Variants in CLEC4F observed in about 807,000 individuals in gnomAD.
CLEC4F encodes C-type lectin domain family 4 member F, also known as C-type (calcium dependent, carbohydrate-recognition domain) lectin, superfamily member 13.
CLEC4F carries 45 observed loss-of-function variants against 53.4 expected under a neutral mutation model. The ratio of observed to expected loss-of-function variants is 0.84; its 90% confidence interval spans 0.66 to 1.08. The LOEUF (loss-of-function observed/expected upper bound fraction) is 1.08, where lower values mean the gene tolerates loss of function less well. Among genes scored for constraint, CLEC4F ranks in the 50% least tolerant of loss-of-function variants. The pLI is 0.00. For missense variants in CLEC4F, 753 were observed against 698.2 expected (o/e 1.08, Z -0.88); for synonymous variants, 245 against 257.5 (o/e 0.95, Z 0.46).
In CLEC4F at chr2:70,814,144, G is replaced by A. The variant is rs116189414; in HGVS notation, c.1388-1546C>T. 8.9e-3 allele frequency among the ~76,000 whole-genome samples: 1,358 copies of A among 152,292 alleles called. 25 individuals are homozygous for A. Among genetic ancestry groups the A allele is most frequent in the African/African-American group, 0.031 (1,271 of 41,548 alleles). ...TGGTATTCTTGGGACATAAAGGATG[G>A]GTGAGTGATGAATTTGGACAGGTTC... On this transcript the variant is annotated intron_variant, in intron 4 of 6. Transcript: ENST00000272367.
rs781941151 is a variant in CLEC4F at position 70,819,344 on chromosome 2, TG to T, written c.268+10del. ...TTCCCTCTGCACCCCACCCCCACTGTGGCTACTCACTGTTGGGTTCAAAAGG... is the reference window on the plus strand; with the variant it reads ...TTCCCTCTGCACCCCACCCCCACTGTGCTACTCACTGTTGGGTTCAAAAGG... On this transcript the variant is annotated intron_variant, in intron 3 of 6. Coordinates refer to ENST00000272367, the MANE Select transcript of CLEC4F (RefSeq NM_173535.3). 2 of 1,611,292 alleles carry T rather than the reference TG, an allele frequency of 1.2e-6. No individual in the cohort carries two copies.
Position 70,820,590 on chromosome 2 carries a change from C to G in CLEC4F, c.-67G>C. 6 of 1,478,330 alleles carry G rather than the reference C, an allele frequency of 4.1e-6. No individual in the cohort carries two copies. The highest frequency in any genetic ancestry group is 5.5e-6 in the Non-Finnish European group (6 of 1,089,994). The allele number at this position is 1,478,330 out of a possible 1,614,324, so 91.6% of individuals were successfully genotyped here. On this transcript the variant is annotated 5_prime_UTR_variant, in exon 1 of 7. Coordinates refer to ENST00000272367, the MANE Select transcript of CLEC4F (RefSeq NM_173535.3). ...CTCCTGGAAGGGCCGTCCCGTGGACCAATGGCAGTGGAAGCAAAGCTGAGA... is the reference window on the plus strand; with the variant it reads ...CTCCTGGAAGGGCCGTCCCGTGGACGAATGGCAGTGGAAGCAAAGCTGAGA...
chr2:70,821,475 C>T (rs560523025), upstream of CLEC4F, among the ~76,000 whole-genome samples: 5 of 134,120 alleles, frequency 3.7e-5, no homozygotes. Flanking sequence ...TGGGCTATAA[C>T]GACTCTTAAA....
intron 5 of CLEC4F, chr2:70,811,046 T>A: frequency 1.5e-6 from 1 of 648,442 alleles, no homozygotes; most frequent in Non-Finnish European, 2.9e-6. Context: ...CTAACCCTGC[T>A]GGGAAAATAT....
chr2:70,809,534 A>C, intron 6 of CLEC4F, 152 bp from the exon 7 acceptor site: 1 of 880,590 alleles, frequency 1.1e-6, no homozygotes, highest in Non-Finnish European at 1.7e-6. Context: ...CATCACACAC[A>C]TACCACACAT....
intron 4 of CLEC4F, among the ~76,000 whole-genome samples, chr2:70,815,547 G>A (rs1347452133): frequency 6.6e-6 from 1 of 152,190 alleles, no homozygotes; most frequent in Non-Finnish European, 1.5e-5. Context: ...GGGCATGAAT[G>A]CTAGGTACTT....
At chr2:70,820,787 C>A (rs2104685643), upstream of CLEC4F, among the ~76,000 whole-genome samples, 1 of 152,310 alleles carries the variant, frequency 6.6e-6, no homozygotes, top group African/African-American at 2.4e-5. Context: ...GCCCCATCAT[C>A]CCAGCCTCTG....
At chr2:70,820,379 C>T (rs2104683771) in intron 1 of CLEC4F, 84 bp downstream of exon 1, 1 of 1,261,232 alleles carries the variant, frequency 7.9e-7, no homozygotes, top group African/African-American at 1.5e-5. Context: ...AATAAGACAG[C>T]AATAAGCTGC....
chr2:70,819,630 G>A lies in CLEC4F; in HGVS notation c.178+145C>T, dbSNP rs1677118886. On this transcript the variant is annotated intron_variant, in intron 2 of 6. Coordinates refer to ENST00000272367, the MANE Select transcript of CLEC4F (RefSeq NM_173535.3). Reference sequence around the variant, plus strand: ...GACAGTGGCCTTTATCTGTTCCCAGGGAAGCTGTGGCTTGGGCCTGGAGCT... The same window carrying A: ...GACAGTGGCCTTTATCTGTTCCCAGAGAAGCTGTGGCTTGGGCCTGGAGCT... 2 of 819,422 alleles carry A rather than the reference G, an allele frequency of 2.4e-6. 1 individual carries two copies. The highest frequency in any genetic ancestry group is 3.3e-5 in the South Asian group (2 of 60,896). The allele number at this position is 819,422 out of a possible 1,614,324, so 50.8% of individuals were successfully genotyped here.
Position 70,819,336 on chromosome 2 carries a change from C to A in CLEC4F, c.268+19G>T, listed in dbSNP as rs782206648. 9 of 1,604,298 alleles carry A rather than the reference C, an allele frequency of 5.6e-6. No homozygotes were observed. Among genetic ancestry groups the A allele is most frequent in the South Asian group, 2.2e-5 (2 of 90,842 alleles). Reference sequence around the variant, plus strand: ...GGCCCCAGTTCCCTCTGCACCCCACCCCCACTGTGGCTACTCACTGTTGGG... The same window carrying A: ...GGCCCCAGTTCCCTCTGCACCCCACACCCACTGTGGCTACTCACTGTTGGG... On this transcript the variant is annotated intron_variant, in intron 3 of 6. Coordinates refer to ENST00000272367, the MANE Select transcript of CLEC4F (RefSeq NM_173535.3).
At chr2:70,809,519 A>G (rs1676423159) in intron 6 of CLEC4F, 137 bp from the exon 7 acceptor site, 6 of 912,978 alleles carry the variant, frequency 6.6e-6, no homozygotes, top group Non-Finnish European at 9.9e-6. Flanking sequence ...GTCCAAACGC[A>G]CACACATCAC....
chr2:70,814,316 G>C (rs1006303467), intron 4 of CLEC4F, among the ~76,000 whole-genome samples: 1 of 152,174 alleles, frequency 6.6e-6, no homozygotes, highest in Non-Finnish European at 1.5e-5. Flanking sequence ...AGCTGAACCA[G>C]AAGAAGGTAC....
chr2:70,813,219 C>G (rs58640978), intron 4 of CLEC4F, among the ~76,000 whole-genome samples: 1 of 152,216 alleles, frequency 6.6e-6, no homozygotes, highest in South Asian at 2.1e-4. Flanking sequence ...TTCTTTTGTT[C>G]AACGTGCATT....
intron 1 of CLEC4F, 66 bp downstream of exon 1, chr2:70,820,397 C>A: frequency 6.9e-7 from 1 of 1,440,182 alleles, no homozygotes; most frequent in Admixed American, 2.0e-5. Context: ...TGCCTTATGG[C>A]AGAGGGCCAA....
At chr2:70,809,605 AC>A in intron 6 of CLEC4F, 133 bp downstream of exon 6, 2 of 805,330 alleles carry the variant, frequency 2.5e-6, no homozygotes, top group Non-Finnish European at 4.2e-6. Flanking sequence ...CCACACATAC[AC>A]CACATACACA....
At position 70,809,406 on chromosome 2, in the gene CLEC4F, A is replaced by C. The variant is rs1676414135; in HGVS notation, c.1659-24T>G. The C allele has an allele frequency of 3.2e-6, 5 of 1,580,710 alleles. No individual in the cohort carries two copies. In the African/African-American group the frequency reaches 5.4e-5, roughly 17 times the overall value. On this transcript the variant is annotated intron_variant, in intron 6 of 6. Transcript: ENST00000272367. ...GCCTGAGTAGGGCAGGGGGAAAAAA[A>C]CAGAAAGACCCACTCACTGGCTGCA...
At chr2:70,809,410 A>G in intron 6 of CLEC4F, 28 bp from the exon 7 acceptor site, 1 of 1,576,200 alleles carries the variant, frequency 6.3e-7, no homozygotes, top group Non-Finnish European at 8.6e-7. Context: ...AAAAAAACAG[A>G]AAGACCCACT....
Position 70,820,498 on chromosome 2 carries a change from C to G in CLEC4F, c.26G>C (p.Cys9Ser). Residue 9 changes from cysteine to serine, a missense_variant, in exon 1 of 7, where the codon TGC (cysteine) becomes TCC (serine). Physicochemically the swap from Cys to Ser is moderately radical, Grantham distance 112. Coordinates refer to ENST00000272367, the MANE Select transcript of CLEC4F (RefSeq NM_173535.3). ...CAGGGAGACACACTGGTTATCTGTG[C>G]AGAAGCGGACTGCCTCACCGTCCAT... MDGEAVRF[C>S]TDNQCVSLHP... 1 of 1,590,552 alleles carries G rather than the reference C, an allele frequency of 6.3e-7. No homozygotes were observed. The highest frequency in any genetic ancestry group is 8.6e-7 in the Non-Finnish European group (1 of 1,166,566).
rs371186732 is a variant in CLEC4F at position 70,816,445 on chromosome 2, G to A, written c.936C>T (p.Asn312=). The change falls in exon 4 of 7, where the codon AAC becomes AAT. Residue 312 remains asparagine, a synonymous_variant. Coordinates refer to ENST00000272367, the MANE Select transcript of CLEC4F (RefSeq NM_173535.3). The part of the protein sequence containing the change: ...TQAFIKSSFD[N]TSAEIQFLRG... ...TTAAGAACTGGATCTCAGCACTAGT[G>A]TTGTCAAAACTGCTTTTTATAAAGG... 3 of 1,614,046 alleles carry A rather than the reference G, an allele frequency of 1.9e-6. No homozygotes were observed. The highest frequency in any genetic ancestry group is 2.2e-5 in the East Asian group (1 of 44,860).
Sources: gnomAD v4.1 joint callset for allele counts (sites outside exome capture counted in the v4.1 genomes callset) on GRCh38, gnomAD v4.1.1 for gene constraint, MANE v1.5 for transcripts, NCBI Gene and HGNC (gene_info 2026-07-23, HGNC 2026-07-21) for gene names.